Variants in PLAUR observed in about 807,000 individuals in gnomAD.
PLAUR encodes the protein urokinase plasminogen activator surface receptor.
In PLAUR, 22 loss-of-function variants were observed where a neutral mutation model predicts 33.4. That is an observed-to-expected ratio of 0.66 (90% confidence interval 0.47 to 0.94). The LOEUF (loss-of-function observed/expected upper bound fraction) is 0.94. Among genes scored for constraint, PLAUR ranks in the 40% least tolerant of loss-of-function variants. PLAUR has a pLI of 0.00. For missense variants in PLAUR, 408 were observed against 434.7 expected, an observed-to-expected ratio of 0.94 and a Z score of 0.55; for synonymous variants, 148 against 167.3, an observed-to-expected ratio of 0.88 and a Z score of 0.89.
At chr19:43,663,761 A>G (rs1967108789) in intron 3 of PLAUR, among the ~76,000 whole-genome samples, 1 of 151,670 alleles carries the variant, frequency 6.6e-6, no homozygotes, top group Admixed American at 6.6e-5. Flanking sequence ...AGCCTGGGCA[A>G]GAAGAGTGAA....
intron 3 of PLAUR, among the ~76,000 whole-genome samples, chr19:43,663,181 T>C (rs1967077228): frequency 6.6e-6 from 1 of 152,082 alleles, no homozygotes; most frequent in Admixed American, 6.6e-5. Flanking sequence ...ACAAATCTAT[T>C]AGGTTGGTGC....
intron 1 of PLAUR, chr19:43,667,946 C>T: frequency 1.5e-6 from 2 of 1,345,934 alleles, no homozygotes; most frequent in Non-Finnish European, 1.9e-6. Flanking sequence ...GCCCGTTTTT[C>T]CTTTCATTCT....
At chr19:43,655,992 C>A (rs532831737) in intron 4 of PLAUR, among the ~76,000 whole-genome samples, 3 of 152,110 alleles carry the variant, frequency 2.0e-5, no homozygotes, top group Non-Finnish European at 4.4e-5. Context: ...TGGTGGCTCA[C>A]GCTTGTAATC....
intron 3 of PLAUR, 61 bp downstream of exon 3, chr19:43,665,255 G>A: frequency 1.3e-6 from 2 of 1,536,732 alleles, no homozygotes; most frequent in Admixed American, 1.7e-5. Context: ...GGATTGGGAT[G>A]ATGATGAGGT....
At chr19:43,653,532 G>A (rs1974081338) in intron 5 of PLAUR, among the ~76,000 whole-genome samples, 3 of 152,216 alleles carry the variant, frequency 2.0e-5, no homozygotes, top group Admixed American at 2.0e-4. Context: ...AGCGGCTCAT[G>A]CCTGTAATCC....
chr19:43,663,348 CACACAG>C (rs1297570778), intron 3 of PLAUR, among the ~76,000 whole-genome samples: 1 of 124,818 alleles, frequency 8.0e-6, no homozygotes, highest in Non-Finnish European at 1.7e-5. Context: ...CACACACACA[CACACAG>C]GACTGTGAGT....
intron 1 of PLAUR, among the ~76,000 whole-genome samples, chr19:43,668,854 C>T (rs1967393913): frequency 6.6e-6 from 1 of 151,872 alleles, no homozygotes; most frequent in African/African-American, 2.4e-5. Flanking sequence ...GCTCCTAGCT[C>T]TTCCTCGGTC....
At chr19:43,665,211 G>A in intron 3 of PLAUR, 105 bp downstream of exon 3, 1 of 1,179,004 alleles carries the variant, frequency 8.5e-7, no homozygotes, top group Non-Finnish European at 1.2e-6. Context: ...ATAAGGCATG[G>A]AGTTGGGGTT....
intron 1 of PLAUR, chr19:43,668,028 A>G: frequency 9.0e-7 from 1 of 1,115,976 alleles, no homozygotes; most frequent in Non-Finnish European, 1.1e-6. Flanking sequence ...TCCTGCTCCT[A>G]TTAGGTCTTT....
intron 6 of PLAUR, among the ~76,000 whole-genome samples, chr19:43,650,318 T>G (rs572337991): frequency 1.8e-4 from 27 of 151,312 alleles, no homozygotes; most frequent in Admixed American, 7.2e-4. Context: ...TGGTTTTTTT[T>G]TTGTTGTTTC....
chr19:43,666,194 C>G (rs925997066), intron 2 of PLAUR, among the ~76,000 whole-genome samples: 1 of 152,128 alleles, frequency 6.6e-6, no homozygotes, highest in South Asian at 2.1e-4. Flanking sequence ...TCCTGAGTAG[C>G]TAGGGGTACA....
chr19:43,650,614 C>G (rs917190977), intron 6 of PLAUR, among the ~76,000 whole-genome samples: 3 of 152,192 alleles, frequency 2.0e-5, no homozygotes, highest in African/African-American at 7.2e-5. Flanking sequence ...GCATGAGCCA[C>G]CATGCCTGGC....
At chr19:43,670,022 T>A in intron 1 of PLAUR, 44 bp downstream of exon 1, 1 of 1,597,024 alleles carries the variant, frequency 6.3e-7, no homozygotes. Flanking sequence ...ACCCCCTCAA[T>A]TAGACCCTGT....
chr19:43,660,185 AG>A (rs1966911696), intron 3 of PLAUR, among the ~76,000 whole-genome samples: 1 of 95,674 alleles, frequency 1.0e-5, no homozygotes, highest in South Asian at 3.0e-4. Context: ...TTTTGTTTTG[AG>A]ACAGAGTCTT....
At chr19:43,658,390 C>T (rs1486301041) in intron 3 of PLAUR, among the ~76,000 whole-genome samples, 3 of 152,180 alleles carry the variant, frequency 2.0e-5, no homozygotes, top group East Asian at 3.8e-4. Context: ...TAAGCCACTC[C>T]AGGGTTTTTG....
At chr19:43,667,743 A>AC (rs1407895266) in intron 1 of PLAUR, 52 bp from the exon 2 acceptor site, 3 of 1,587,024 alleles carry the variant, frequency 1.9e-6, no homozygotes, top group Admixed American at 3.6e-5. Context: ...TAGCTCCAAG[A>AC]CCCCCGCTCA....
intron 1 of PLAUR, among the ~76,000 whole-genome samples, chr19:43,668,962 A>C (rs895406036): frequency 4.6e-5 from 7 of 151,324 alleles, no homozygotes; most frequent in South Asian, 4.2e-4. Flanking sequence ...CCGAGATTGC[A>C]GCCCAGTCCC....
chr19:43,668,858 C>G (rs1967394025), intron 1 of PLAUR, among the ~76,000 whole-genome samples: 2 of 151,984 alleles, frequency 1.3e-5, no homozygotes, highest in African/African-American at 4.8e-5. Flanking sequence ...CTAGCTCTTC[C>G]TCGGTCTGTA....
intron 3 of PLAUR, among the ~76,000 whole-genome samples, chr19:43,658,823 T>G (rs1974315069): frequency 6.6e-6 from 1 of 152,050 alleles, no homozygotes; most frequent in Non-Finnish European, 1.5e-5. Context: ...CAAAGAAAAA[T>G]AACTACAAGG....
Sources: gnomAD v4.1 joint callset for allele counts (sites outside exome capture counted in the v4.1 genomes callset) on GRCh38, gnomAD v4.1.1 for gene constraint, MANE v1.5 for transcripts, NCBI Gene and HGNC (gene_info 2026-07-23, HGNC 2026-07-21) for gene names.